The following ELF1 variants were observed in gnomAD, a reference collection of about 807,000 sequenced individuals.
ELF1 encodes the protein E74 like ETS transcription factor 1.
A neutral mutation model predicts 59.9 loss-of-function variants in ELF1; 24 were observed. The ratio of observed to expected loss-of-function variants is 0.40; its 90% confidence interval spans 0.29 to 0.56. ELF1 has a LOEUF of 0.56. ELF1 is among the 20% of genes least tolerant of loss of function. ELF1 has a pLI of 0.44. For synonymous variants in ELF1, 248 were observed against 266.2 expected (o/e 0.93, Z 0.67); for missense variants, 627 against 742.2 (o/e 0.84, Z 1.80).
At chr13:40,981,525 GA>G (rs1442257093) in intron 2 of ELF1, among the ~76,000 whole-genome samples, 5 of 152,096 alleles carry the variant, frequency 3.3e-5, no homozygotes, top group African/African-American at 1.2e-4. Flanking sequence ...TAGATCTAGA[GA>G]AGTTAAGTAA....
chr13:41,045,041 G>A (rs1566199107), intron 1 of ELF1, among the ~76,000 whole-genome samples: 1 of 152,178 alleles, frequency 6.6e-6, no homozygotes, highest in Non-Finnish European at 1.5e-5. Context: ...ATGTGTCAAG[G>A]AATTTATCCA....
At chr13:40,997,837 T>C (rs1029348458) in intron 1 of ELF1, among the ~76,000 whole-genome samples, 1 of 152,146 alleles carries the variant, frequency 6.6e-6, no homozygotes, top group African/African-American at 2.4e-5. Context: ...TCTAAGCTTC[T>C]AAACTCAAAT....
At chr13:41,051,946 T>C (rs934458910) in intron 1 of ELF1, among the ~76,000 whole-genome samples, 2 of 147,580 alleles carry the variant, frequency 1.4e-5, no homozygotes, top group Non-Finnish European at 3.0e-5. Context: ...TTTTTTTTTT[T>C]TTTTTTTTGA....
At chr13:40,990,961 A>C (rs1873821403) in intron 1 of ELF1, among the ~76,000 whole-genome samples, 1 of 152,104 alleles carries the variant, frequency 6.6e-6, no homozygotes, top group African/African-American at 2.4e-5. Flanking sequence ...CTAAAGTTTG[A>C]GAGACTGTCA....
At chr13:41,058,638 T>C (rs1482628131) in intron 1 of ELF1, among the ~76,000 whole-genome samples, 1 of 152,244 alleles carries the variant, frequency 6.6e-6, no homozygotes, top group African/African-American at 2.4e-5. Flanking sequence ...ATAACATCCA[T>C]TTTAGCACCA....
intron 3 of ELF1, among the ~76,000 whole-genome samples, chr13:40,954,976 C>T (rs1473695702): frequency 2.1e-5 from 3 of 145,592 alleles, no homozygotes; most frequent in Non-Finnish European, 4.6e-5. Context: ...CGTCTCTGCC[C>T]GGCCGCCATC....
chr13:40,947,178 C>T (rs532319909), intron 5 of ELF1, among the ~76,000 whole-genome samples: 1 of 151,794 alleles, frequency 6.6e-6, no homozygotes, highest in Non-Finnish European at 1.5e-5. Flanking sequence ...TTGCAGTTGC[C>T]CCAAACTACA....
In ELF1 at chr13:40,941,165, T is replaced by C; in HGVS notation, c.1012A>G (p.Lys338Glu). The C allele has an allele frequency of 6.2e-7, 1 of 1,614,108 alleles. No homozygotes were observed. Among genetic ancestry groups the C allele is most frequent in the African/African-American group, 1.3e-5 (1 of 75,056 alleles). The stretch of plus-strand genomic sequence containing the variant: ...TTTAGAACTGTAGTGGCTCCTCCTT[T>C]TACCCCTGGACTTGAAGATACTCTC... ...RSRVSSSPGV[K>E]GGATTVLKPG... The change falls in exon 8 of 9, where the codon AAA becomes GAA. Residue 338 changes from lysine (K) to glutamate (E), a missense_variant. Lys to Glu is a moderately conservative substitution (Grantham distance 56). Coordinates refer to ENST00000239882, the MANE Select transcript of ELF1 (RefSeq NM_172373.4).
intron 1 of ELF1, among the ~76,000 whole-genome samples, chr13:41,015,623 C>A (rs995540651): frequency 2.0e-5 from 3 of 152,110 alleles, no homozygotes; most frequent in African/African-American, 2.4e-5. Flanking sequence ...GCAAATCCTA[C>A]GCCTAATGAA....
chr13:41,012,706 G>T (rs1220097047), intron 1 of ELF1, among the ~76,000 whole-genome samples: 2 of 151,292 alleles, frequency 1.3e-5, no homozygotes, highest in East Asian at 1.9e-4. Flanking sequence ...ACCACACCTG[G>T]CTAACTTAAA....
rs1870347608 is a variant in ELF1 at position 40,943,934 on chromosome 13, A to G, written c.530-9T>C. The G allele has an allele frequency of 6.2e-7, 1 of 1,612,600 alleles. No individual in the cohort carries two copies. The highest frequency in any genetic ancestry group is 8.5e-7 in the Non-Finnish European group (1 of 1,179,188). ...TGGTTTAGTTTTTCTTCCTGAAATAAAAACAGCTCTGCATAAATATTTGCC... is the reference window on the plus strand; with the variant it reads ...TGGTTTAGTTTTTCTTCCTGAAATAGAAACAGCTCTGCATAAATATTTGCC... On this transcript the variant is annotated splice_polypyrimidine_tract_variant and intron_variant, in intron 5 of 8. Transcript: ENST00000239882.
chr13:41,061,272 C>T (rs1212284831), exon 1 of ELF1: 7 of 300,100 alleles, frequency 2.3e-5, no homozygotes, highest in Non-Finnish European at 3.2e-5. Flanking sequence ...GCCAGCGAGC[C>T]TAGAAGGAGG....
At position 40,941,279 on chromosome 13, in the gene ELF1, T is replaced by G; in HGVS notation, c.898A>C (p.Asn300His). The G allele has an allele frequency of 1.2e-6, 2 of 1,614,136 alleles. No individual in the cohort carries two copies. Among genetic ancestry groups the G allele is most frequent in the Non-Finnish European group, 1.7e-6 (2 of 1,180,002 alleles). ...ATGCTGGAACTTGGATCCTCATCAT[T>G]TATATATATAAGATCTTTTGGCATT... ...KEMPKDLIYINDEDPSSSIES... is the reference protein window; with the variant it reads ...KEMPKDLIYIHDEDPSSSIES... The change falls in exon 8 of 9, where the codon AAT becomes CAT. Residue 300 changes from asparagine to histidine, a missense_variant. This residue lies in a region of ELF1 where 361 missense variants were observed against 396.1 expected (regional missense o/e 0.91). Transcript: ENST00000239882.
intron 2 of ELF1, 132 bp downstream of exon 2, chr13:40,981,851 C>A: frequency 9.7e-7 from 1 of 1,031,522 alleles, no homozygotes; most frequent in Non-Finnish European, 1.3e-6. Flanking sequence ...ATATTTCCTC[C>A]AAATATTTCA....
chr13:40,996,979 C>A (rs1874159159), intron 1 of ELF1, among the ~76,000 whole-genome samples: 1 of 152,100 alleles, frequency 6.6e-6, no homozygotes, highest in Non-Finnish European at 1.5e-5. Context: ...TGTCTGTACT[C>A]ACTGCCACCG....
At chr13:40,996,547 A>G (rs1048164963) in intron 1 of ELF1, among the ~76,000 whole-genome samples, 3 of 152,130 alleles carry the variant, frequency 2.0e-5, no homozygotes, top group African/African-American at 4.8e-5. Context: ...ATTTGCCCAA[A>G]CCCATAAAAT....
At chr13:40,989,996 T>G (rs1435530130) in intron 1 of ELF1, among the ~76,000 whole-genome samples, 1 of 150,500 alleles carries the variant, frequency 6.6e-6, no homozygotes, top group Non-Finnish European at 1.5e-5. Context: ...TATTGTCCAC[T>G]AATAAACATT....
At chr13:40,960,829 A>T (rs1005201689) in intron 2 of ELF1, among the ~76,000 whole-genome samples, 2 of 152,222 alleles carry the variant, frequency 1.3e-5, no homozygotes, top group African/African-American at 4.8e-5. Flanking sequence ...ACTCAAAACT[A>T]TGTAAATTTT....
intron 6 of ELF1, 100 bp from the exon 7 acceptor site, chr13:40,943,244 C>G: frequency 9.8e-7 from 1 of 1,020,202 alleles, no homozygotes; most frequent in Non-Finnish European, 1.3e-6. Flanking sequence ...TATATTTATA[C>G]AAAAATATTA....
Sources: gnomAD v4.1 joint callset for allele counts (sites outside exome capture counted in the v4.1 genomes callset) on GRCh38, gnomAD v4.1.1 for gene constraint, gnomAD v4.1.1 regional missense constraint, MANE v1.5 for transcripts, NCBI Gene and HGNC (gene_info 2026-07-23, HGNC 2026-07-21) for gene names.